Variants in CSMD1 observed in about 807,000 individuals in gnomAD.
CSMD1 encodes the protein CUB and sushi domain-containing protein 1.
In CSMD1, 213 loss-of-function variants were observed where a neutral mutation model predicts 417.5. The ratio of observed to expected loss-of-function variants is 0.51; its 90% CI spans 0.46 to 0.57. The LOEUF is 0.57. Among genes scored for constraint, CSMD1 ranks in the 20% least tolerant of loss-of-function variants. The pLI, the probability that CSMD1 is intolerant of heterozygous loss-of-function variation, is 0.00. For missense variants in CSMD1, 6,923 were observed against 4,529.7 expected, an observed-to-expected ratio of 1.53 and a Z score of -15.17; for synonymous variants, 2,862 against 1,736.8, an observed-to-expected ratio of 1.65 and a Z score of -16.11.
intron 3 of CSMD1, among the ~76,000 whole-genome samples, chr8:4,092,678 T>A (rs568648341): frequency 1.1e-4 from 16 of 152,168 alleles, no homozygotes; most frequent in African/African-American, 3.6e-4. Context: ...TAGGTCCTTT[T>A]TCTTGAATAT....
intron 12 of CSMD1, among the ~76,000 whole-genome samples, chr8:3,455,331 C>T (rs1563055290): frequency 6.6e-6 from 1 of 152,200 alleles, no homozygotes; most frequent in Non-Finnish European, 1.5e-5. Context: ...CATTCTCTGT[C>T]CAACGTTGCT....
At chr8:3,273,975 G>C (rs888742012) in intron 26 of CSMD1, among the ~76,000 whole-genome samples, 5 of 151,362 alleles carry the variant, frequency 3.3e-5, no homozygotes, top group African/African-American at 7.3e-5. Context: ...GCTAGCTTTT[G>C]AATGTGTTTG....
At chr8:3,566,174 G>A (rs183583058) in intron 10 of CSMD1, among the ~76,000 whole-genome samples, 1 of 151,946 alleles carries the variant, frequency 6.6e-6, no homozygotes, top group Admixed American at 6.6e-5. Flanking sequence ...AAAGAGAGGA[G>A]AAAGGAAAGG....
intron 5 of CSMD1, among the ~76,000 whole-genome samples, chr8:3,798,295 T>C (rs1800270570): frequency 6.6e-6 from 1 of 152,046 alleles, no homozygotes; most frequent in Non-Finnish European, 1.5e-5. Flanking sequence ...TATTTCCTCT[T>C]AGGATTAGTG....
chr8:2,965,696 G>A, intron 59 of CSMD1, 79 bp downstream of exon 59: 1 of 1,326,426 alleles, frequency 7.5e-7, no homozygotes, highest in Non-Finnish European at 1.0e-6. Context: ...CTACATAAAT[G>A]CTTGCAAAAT....
chr8:4,645,853 C>T (rs559398410), intron 1 of CSMD1, among the ~76,000 whole-genome samples: 26 of 152,210 alleles, frequency 1.7e-4, no homozygotes, highest in South Asian at 8.3e-4. Flanking sequence ...TGGCACCCCA[C>T]GCCTGCATGT....
At chr8:3,380,496 C>G (rs1401204237) in intron 18 of CSMD1, among the ~76,000 whole-genome samples, 2 of 152,150 alleles carry the variant, frequency 1.3e-5, no homozygotes, top group Non-Finnish European at 2.9e-5. Flanking sequence ...ACCCAAATGT[C>G]CATCAATGAT....
chr8:4,967,084 G>T (rs114531283), intron 1 of CSMD1, among the ~76,000 whole-genome samples: 2,653 of 152,220 alleles, frequency 0.017, 88 homozygotes, highest in African/African-American at 0.061. Flanking sequence ...TCACTGATTT[G>T]AAATGTCTGA....
rs574684178 is a variant in CSMD1, at chr8:3,672,436, G to C, written c.1009+35978C>G. ...AACAGTCCAGGGTGTGCTGGTATCA[G>C]AGTGTGGGAGCTGACTTTCAAATGT... On this transcript the variant is annotated intron_variant, in intron 7 of 69. Transcript: ENST00000635120. 5.9e-5 allele frequency among the ~76,000 whole-genome samples: 9 copies of C among 152,306 alleles called. No individual in the cohort carries two copies. The South Asian group carries it at 1.9e-3, about 32-fold the overall frequency.
chr8:3,312,659 A>T (rs58424855), intron 23 of CSMD1, among the ~76,000 whole-genome samples: 2,804 of 152,264 alleles, frequency 0.018, 83 homozygotes, highest in African/African-American at 0.063. Context: ...GACTAGAGAA[A>T]CATCCCTAGA....
At chr8:3,850,116 C>G (rs1309379113) in intron 5 of CSMD1, among the ~76,000 whole-genome samples, 3 of 152,202 alleles carry the variant, frequency 2.0e-5, no homozygotes, top group Non-Finnish European at 4.4e-5. Context: ...CTTTTTGATA[C>G]ATTTGGGCGA....
intron 29 of CSMD1, among the ~76,000 whole-genome samples, chr8:3,217,310 C>A (rs139767958): frequency 6.6e-6 from 1 of 152,232 alleles, no homozygotes; most frequent in Non-Finnish European, 1.5e-5. Context: ...TCAGGAACTA[C>A]AGCCTCCAGT....
At chr8:3,274,384 C>G (rs1303361598) in intron 26 of CSMD1, among the ~76,000 whole-genome samples, 4 of 151,950 alleles carry the variant, frequency 2.6e-5, no homozygotes, top group East Asian at 1.9e-4. Context: ...TGGTGTGGTG[C>G]TGAAAAAAAT....
intron 3 of CSMD1, among the ~76,000 whole-genome samples, chr8:4,162,917 C>CAACCA (rs1392256135): frequency 2.6e-5 from 4 of 152,174 alleles, no homozygotes; most frequent in Non-Finnish European, 5.9e-5. Context: ...CAACCCTTTG[C>CAACCA]AACCACTGGT....
At chr8:4,430,801 C>A (rs1797830548) in intron 2 of CSMD1, among the ~76,000 whole-genome samples, 1 of 152,104 alleles carries the variant, frequency 6.6e-6, no homozygotes, top group African/African-American at 2.4e-5. Flanking sequence ...AAAACAGTAA[C>A]AGCGTTTTTC....
intron 3 of CSMD1, among the ~76,000 whole-genome samples, chr8:4,091,535 C>G (rs778394579): frequency 6.6e-6 from 1 of 152,136 alleles, no homozygotes; most frequent in Non-Finnish European, 1.5e-5. Flanking sequence ...AAAGCTGGCA[C>G]TCAGCAATGC....
At chr8:4,930,123 C>T (rs1012252445) in intron 1 of CSMD1, among the ~76,000 whole-genome samples, 1 of 152,138 alleles carries the variant, frequency 6.6e-6, no homozygotes, top group African/African-American at 2.4e-5. Context: ...TGTGACCTTA[C>T]ATCAATTGCG....
At chr8:4,305,751 A>G (rs368037414) in intron 3 of CSMD1, among the ~76,000 whole-genome samples, 5 of 152,180 alleles carry the variant, frequency 3.3e-5, no homozygotes, top group African/African-American at 9.6e-5. Flanking sequence ...AGCCGTAGAC[A>G]CTACTGATCT....
intron 7 of CSMD1, among the ~76,000 whole-genome samples, chr8:3,630,665 G>A (rs927933968): frequency 6.6e-6 from 1 of 152,196 alleles, no homozygotes; most frequent in Admixed American, 6.5e-5. Context: ...CATTGCGTTC[G>A]AGAAAAAATG....
Sources: gnomAD v4.1 joint callset for allele counts (sites outside exome capture counted in the v4.1 genomes callset) on GRCh38, gnomAD v4.1.1 for gene constraint, MANE v1.5 for transcripts, NCBI Gene and HGNC (gene_info 2026-07-23, HGNC 2026-07-21) for gene names.